The following PGBD1 variants were observed in gnomAD, a reference collection of about 807,000 sequenced individuals.
PGBD1 encodes the protein piggyBac transposable element derived 1.
A neutral mutation model predicts 34.7 loss-of-function variants in PGBD1; 25 were observed. The observed-to-expected ratio is 0.72, with a 90% CI of 0.52 to 1.00. The LOEUF is 1.00. Ranked by LOEUF, PGBD1 falls within the 50% of genes least tolerant of loss-of-function variation. PGBD1 has a pLI of 0.00. For missense variants in PGBD1, 830 were observed against 959.4 expected, an observed-to-expected ratio of 0.87 and a Z score of 1.78; for synonymous variants, 292 against 335.7, an observed-to-expected ratio of 0.87 and a Z score of 1.42.
Position 28,296,808 on chromosome 6 carries a change from CT to C in PGBD1, c.643-3del, listed in dbSNP as rs568626611. On this transcript the variant is annotated splice_region_variant and splice_polypyrimidine_tract_variant and intron_variant, in intron 4 of 6. Coordinates refer to ENST00000682144, the MANE Select transcript of PGBD1 (RefSeq NM_032507.4). The stretch of plus-strand genomic sequence containing the variant: ...CAAAGAGGCTATTTTCTTTTTTTGT[CT>C]TTTTAGACATTGGTGAAGACTGAGG... The C allele has an allele frequency of 7.9e-5, 127 of 1,611,372 alleles. 1 individual carries two copies. In the Admixed American group the frequency reaches 1.4e-3, roughly 18 times the overall value.
At chr6:28,293,784 T>C (rs1445819882) in intron 4 of PGBD1, among the ~76,000 whole-genome samples, 1 of 152,202 alleles carries the variant, frequency 6.6e-6, no homozygotes, top group Non-Finnish European at 1.5e-5. Flanking sequence ...GACTCCTCCA[T>C]TGACCAGCTG....
At chr6:28,291,745 T>A (rs1419330903) in intron 4 of PGBD1, among the ~76,000 whole-genome samples, 1 of 152,174 alleles carries the variant, frequency 6.6e-6, no homozygotes, top group Non-Finnish European at 1.5e-5. Flanking sequence ...ATTAAAAAGA[T>A]CATTCACCAT....
intron 2 of PGBD1, 80 bp from the exon 3 acceptor site, chr6:28,285,467 ATCCC>A: frequency 2.9e-6 from 4 of 1,371,216 alleles, no homozygotes; most frequent in Non-Finnish European, 3.9e-6. Flanking sequence ...TTGCTGCTGT[ATCCC>A]CAGCATGTAG....
chr6:28,287,320 A>G, intron 4 of PGBD1, 152 bp downstream of exon 4: 2 of 698,574 alleles, frequency 2.9e-6, no homozygotes, highest in Non-Finnish European at 5.2e-6. Context: ...AGAATATCAC[A>G]AAGTGTGTTG....
Position 28,284,174 on chromosome 6 carries a change from A to T in PGBD1, c.361A>T (p.Asn121Tyr), listed in dbSNP as rs1490136253. 3.8e-6 allele frequency: 6 copies of T among 1,576,484 alleles called. No homozygotes were observed. The highest frequency in any genetic ancestry group is 5.2e-6 in the Non-Finnish European group (6 of 1,159,402). ...SGEEAVTVLE[N>Y]LETGSGDTGQ... is the part of the protein sequence containing the mutation. ...AGAGGAGGCAGTGACAGTGCTGGAGAATCTAGAGACAGGAAGTGGAGACAC... is the reference window on the plus strand; with the variant it reads ...AGAGGAGGCAGTGACAGTGCTGGAGTATCTAGAGACAGGAAGTGGAGACAC... The change falls in exon 2 of 7, where the codon AAT becomes TAT. Residue 121 changes from asparagine (N) to tyrosine (Y), a missense_variant. Physicochemically the swap from Asn to Tyr is moderately radical, Grantham distance 143. Transcript: ENST00000682144.
At chr6:28,282,223 TAAG>T (rs2113738673) in intron 1 of PGBD1, among the ~76,000 whole-genome samples, 1 of 152,328 alleles carries the variant, frequency 6.6e-6, no homozygotes, top group South Asian at 2.1e-4. Flanking sequence ...GGCAGTGACA[TAAG>T]AAATTTGGGA....
chr6:28,285,991 C>T (rs1413698178), intron 3 of PGBD1, among the ~76,000 whole-genome samples: 2 of 152,184 alleles, frequency 1.3e-5, no homozygotes, highest in African/African-American at 2.4e-5. Context: ...CTGTGACCAA[C>T]ATCAAGTTTT....
In PGBD1 at chr6:28,301,284, T is replaced by A. The variant is rs1322607338; in HGVS notation, c.1430T>A (p.Met477Lys). ...SGFMRHPRRE[M>K]YWEVSDTDQN... ...TTTATGAGGCATCCTAGAAGGGAAA[T>A]GTATTGGGAAGTCTCTGACACCGAT... Residue 477 changes from methionine (M) to lysine (K), a missense_variant, in exon 7 of 7, where the codon ATG becomes AAG. Physicochemically the swap from Met to Lys is moderately conservative, Grantham distance 95. This residue lies in a region of PGBD1 where 372 missense variants were observed against 427.9 expected (regional missense o/e 0.87). Transcript: ENST00000682144. The A allele has an allele frequency of 6.2e-7, 1 of 1,613,906 alleles. No individual in the cohort carries two copies. Among genetic ancestry groups the A allele is most frequent in the Admixed American group, 1.7e-5 (1 of 59,966 alleles).
rs186933400 is a variant in PGBD1 at position 28,281,676 on chromosome 6, C to A, written c.-281C>A. The A allele has an allele frequency of 2.8e-6, 1 of 352,516 alleles. No homozygotes were observed. The highest frequency in any genetic ancestry group is 4.7e-5 in the Admixed American group (1 of 21,272). 21.8% of individuals were successfully genotyped at this position (352,516 alleles called of 1,614,324 possible). A position where few individuals can be genotyped will look rare whatever the true frequency, so the allele number is the denominator to read the frequency against. ...CGCTCCCGACAGGGGAGCACCGGGC[C>A]TCTGAGCTCCCTCGGGAGCCTTTCA... On this transcript the variant is annotated 5_prime_UTR_variant, in exon 1 of 7. Transcript: ENST00000682144.
chr6:28,287,268 A>T, intron 4 of PGBD1, 100 bp downstream of exon 4: 1 of 1,000,924 alleles, frequency 1.0e-6, no homozygotes. Flanking sequence ...TCATCGTGAG[A>T]GCCATTCAGG....
intron 4 of PGBD1, among the ~76,000 whole-genome samples, chr6:28,290,273 T>A (rs1376900022): frequency 6.6e-6 from 1 of 152,126 alleles, no homozygotes; most frequent in Non-Finnish European, 1.5e-5. Context: ...TTTTTTGTAT[T>A]TTTTGTAGAC....
intron 4 of PGBD1, among the ~76,000 whole-genome samples, chr6:28,293,739 T>C (rs1762541593): frequency 6.6e-6 from 1 of 152,238 alleles, no homozygotes; most frequent in Admixed American, 6.5e-5. Context: ...CCGTTTAAAA[T>C]GTCAGACCTA....
In PGBD1 at chr6:28,300,726, A is replaced by G. The variant is rs768757599; in HGVS notation, c.872A>G (p.Glu291Gly). ...CATGTTCTTTTTTTCTTTCCCAGAG[A>G]GTGTGCACCCCAGATTCCTTGTAGT... ...SGEASGKPNR[E>G]CAPQIPCSTP... Residue 291 changes from glutamate to glycine, a missense_variant and splice_region_variant, in exon 7 of 7, where the codon GAG becomes GGG. Transcript: ENST00000682144. This position sits in a 1 kb window ranked among gnomAD's most constrained non-coding sequence, Gnocchi z 4.0. The G allele has an allele frequency of 6.3e-7, 1 of 1,599,242 alleles. No individual in the cohort carries two copies. The highest frequency in any genetic ancestry group is 1.1e-5 in the South Asian group (1 of 88,742).
chr6:28,300,646 T>G lies in PGBD1; in HGVS notation c.870-78T>G, dbSNP rs1014494815. On this transcript the variant is annotated intron_variant, in intron 6 of 6. Transcript: ENST00000682144. This position sits in a 1 kb window ranked among gnomAD's most constrained non-coding sequence, Gnocchi z 4.0. Reference sequence around the variant, plus strand: ...ACACCCACCCCAAGCCCCAAAAGATTTAAGCTTCAGCAGATTTATCATGTG... The same window carrying G: ...ACACCCACCCCAAGCCCCAAAAGATGTAAGCTTCAGCAGATTTATCATGTG... 2 of 1,493,762 alleles carry G rather than the reference T, an allele frequency of 1.3e-6. No individual in the cohort carries two copies. The highest frequency in any genetic ancestry group is 1.8e-6 in the Non-Finnish European group (2 of 1,114,806). The allele number at this position is 1,493,762 out of a possible 1,614,324, so 92.5% of individuals were successfully genotyped here.
intron 4 of PGBD1, among the ~76,000 whole-genome samples, chr6:28,291,713 A>G (rs1245575162): frequency 1.3e-5 from 2 of 152,194 alleles, no homozygotes; most frequent in Non-Finnish European, 2.9e-5. Flanking sequence ...ATGAAACACT[A>G]GCAAACTGAA....
At chr6:28,293,918 C>T (rs1762546760) in intron 4 of PGBD1, among the ~76,000 whole-genome samples, 1 of 152,068 alleles carries the variant, frequency 6.6e-6, no homozygotes. Flanking sequence ...AAGGAAGAGT[C>T]ACATGCCTCT....
intron 6 of PGBD1, among the ~76,000 whole-genome samples, chr6:28,298,816 G>A (rs929637807): frequency 5.3e-5 from 8 of 152,042 alleles, no homozygotes; most frequent in Admixed American, 3.3e-4. Context: ...CCAACATTCC[G>A]AGGCTTCTCA....
intron 4 of PGBD1, among the ~76,000 whole-genome samples, chr6:28,291,200 G>A (rs1762441181): frequency 7.0e-6 from 1 of 142,316 alleles, no homozygotes; most frequent in African/African-American, 2.6e-5. Context: ...ACAAAATCAA[G>A]TCTTTAGCTG....
rs747729431 is a variant in PGBD1, at chr6:28,301,003, A to G, written c.1149A>G (p.Ser383=). The part of the protein sequence containing the change: ...IQPAQKKLKV[S]CFPEKSWTKR... ...CTGCTCAAAAGAAGTTAAAGGTATC[A>G]TGTTTCCCAGAAAAGAGTTGGACCA... Residue 383 remains serine (S), a synonymous_variant, in exon 7 of 7, where the codon TCA becomes TCG. Transcript: ENST00000682144. The G allele has an allele frequency of 1.9e-6, 3 of 1,614,092 alleles. No homozygotes were observed. Among genetic ancestry groups the G allele is most frequent in the Admixed American group, 1.7e-5 (1 of 60,000 alleles).
Sources: allele counts gnomAD v4.1 joint callset (sites outside exome capture counted in the v4.1 genomes callset), GRCh38; gene constraint gnomAD v4.1.1; regional missense constraint gnomAD v4.1.1; non-coding constraint Gnocchi (gnomAD v3.1); transcripts MANE v1.5; gene names NCBI Gene and HGNC (gene_info 2026-07-23, HGNC 2026-07-21).